Variants in KCTD21 observed in about 807,000 individuals in gnomAD.
KCTD21 encodes the protein potassium channel tetramerization domain containing 21.
A neutral mutation model predicts 13.2 loss-of-function variants in KCTD21; 9 were observed. The observed-to-expected ratio is 0.68, with a 90% CI of 0.41 to 1.19. The LOEUF (loss-of-function observed/expected upper bound fraction) is 1.19, where lower values mean the gene tolerates loss of function less well. Ranked by LOEUF, KCTD21 falls within the 50% of genes most tolerant of loss-of-function variation. KCTD21 has a pLI of 0.01. For missense variants in KCTD21, 303 were observed against 336.5 expected (o/e 0.90, Z 0.78); for synonymous variants, 142 against 137.4 (o/e 1.03, Z -0.23).
rs150386248 is a variant in KCTD21 at position 78,174,548 on chromosome 11, C to T, written c.7G>A (p.Asp3Asn). 41 of 1,609,528 alleles carry T rather than the reference C, an allele frequency of 2.5e-5. No individual in the cohort carries two copies. In the African/African-American group the frequency reaches 3.2e-4, roughly 13 times the overall value. The stretch of plus-strand genomic sequence containing the variant: ...CCCCCGACGTTCAGCGTGATGGGGT[C>T]GGACATGGCAGGAGACTGGGTTGCT... MS[D>N]PITLNVGGKL... Residue 3 changes from aspartate to asparagine, a missense_variant, in exon 2 of 2, where the codon GAC (aspartate) becomes AAC (asparagine). Physicochemically the swap from Asp to Asn is conservative, Grantham distance 23. Coordinates refer to ENST00000340067, the MANE Select transcript of KCTD21 (RefSeq NM_001029859.3).
chr11:78,188,347 T>C, intron 1 of KCTD21: 10 of 980,904 alleles, frequency 1.0e-5, no homozygotes, highest in Non-Finnish European at 1.2e-5. Context: ...CCATCCGCCC[T>C]TGCTCTCCCA....
intron 1 of KCTD21, chr11:78,175,277 T>G (rs934866991): frequency 2.8e-5 from 4 of 141,894 alleles, no homozygotes; most frequent in Non-Finnish European, 6.0e-5. Context: ...GAGCCGGGAC[T>G]GAACAACTGC....
Position 78,173,551 on chromosome 11 carries a change from C to G in KCTD21, c.*221G>C, listed in dbSNP as rs538527358. ...CTGACTCTTCACTTGTCATAATAAACCGCCTGTCTGCAGCTCAAAATGGCA... is the reference window on the plus strand; with the variant it reads ...CTGACTCTTCACTTGTCATAATAAAGCGCCTGTCTGCAGCTCAAAATGGCA... On this transcript the variant is annotated 3_prime_UTR_variant, in exon 2 of 2. Coordinates refer to ENST00000340067, the MANE Select transcript of KCTD21 (RefSeq NM_001029859.3). 2.2e-5 allele frequency: 12 copies of G among 539,356 alleles called. No homozygotes were observed. The Admixed American group carries it at 2.7e-4, about 12-fold the overall frequency. The allele number at this position is 539,356 out of a possible 1,614,324, so 33.4% of individuals were successfully genotyped here.
At chr11:78,188,301 TC>T (rs1225856588) in intron 1 of KCTD21, 1 of 977,636 alleles carries the variant, frequency 1.0e-6, no homozygotes, top group Non-Finnish European at 1.2e-6. Flanking sequence ...CCTCCCACAG[TC>T]CCGACCCTCA....
At chr11:78,185,337 A>G (rs967776855) in intron 1 of KCTD21, among the ~76,000 whole-genome samples, 8 of 152,194 alleles carry the variant, frequency 5.3e-5, no homozygotes, top group African/African-American at 1.7e-4. Context: ...AGAGGGGGGA[A>G]GAACACTTCT....
chr11:78,177,257 A>G (rs1306410151), intron 1 of KCTD21, among the ~76,000 whole-genome samples: 1 of 152,340 alleles, frequency 6.6e-6, no homozygotes, highest in Admixed American at 6.5e-5. Flanking sequence ...ATGTCCCCTC[A>G]TGATTCCTCC....
chr11:78,176,909 A>G (rs113333335), intron 1 of KCTD21: 2,496 of 152,496 alleles, frequency 0.016, 46 homozygotes, highest in African/African-American at 0.057. Context: ...ACTACTTGGG[A>G]GGCTGAGGTG....
At chr11:78,174,725 C>T (rs961829093) in intron 1 of KCTD21, 142 bp from the exon 2 acceptor site, 2 of 624,020 alleles carry the variant, frequency 3.2e-6, no homozygotes, top group Non-Finnish European at 2.8e-6. Flanking sequence ...TAATTGCTAA[C>T]ACTGTGCAAA....
At chr11:78,175,700 G>A (rs1312056659) in intron 1 of KCTD21, among the ~76,000 whole-genome samples, 1 of 151,964 alleles carries the variant, frequency 6.6e-6, no homozygotes, top group African/African-American at 2.4e-5. Flanking sequence ...TCAGCTGTCC[G>A]GACTGCAAAT....
chr11:78,183,227 AAAC>A (rs1479166489), intron 1 of KCTD21, among the ~76,000 whole-genome samples: 1 of 152,190 alleles, frequency 6.6e-6, no homozygotes, highest in Admixed American at 6.5e-5. Flanking sequence ...GTGAATTAAA[AAAC>A]AACAACAACA....
At chr11:78,178,251 G>C (rs760580579) in intron 1 of KCTD21, among the ~76,000 whole-genome samples, 3 of 151,598 alleles carry the variant, frequency 2.0e-5, no homozygotes, top group Non-Finnish European at 2.9e-5. Context: ...TCAGCCTCCC[G>C]GGTAGCTGCA....
At chr11:78,177,196 G>A (rs1015585785) in intron 1 of KCTD21, among the ~76,000 whole-genome samples, 4 of 152,234 alleles carry the variant, frequency 2.6e-5, no homozygotes, top group African/African-American at 9.6e-5. Context: ...GGCCATGCCA[G>A]TGTGAGAGAT....
At chr11:78,188,102 G>A in intron 1 of KCTD21, 2 of 985,396 alleles carry the variant, frequency 2.0e-6, no homozygotes, top group African/African-American at 1.7e-5. Context: ...GGCCGGCCCA[G>A]GGCTCTCCAG....
intron 1 of KCTD21, among the ~76,000 whole-genome samples, chr11:78,178,696 A>G (rs540188657): frequency 3.9e-4 from 59 of 152,330 alleles, no homozygotes; most frequent in Admixed American, 3.5e-3. Context: ...TGCTAACTTC[A>G]TAAAAGAGAA....
chr11:78,176,323 A>G (rs939369878), intron 1 of KCTD21: 1 of 152,214 alleles, frequency 6.6e-6, no homozygotes, highest in Non-Finnish European at 1.5e-5. Flanking sequence ...AGCTTCTCTG[A>G]AACTGGCTGC....
In KCTD21 at chr11:78,174,591, G is replaced by A. The variant is rs1421342127; in HGVS notation, c.-29-8C>T. ...GGGTTGCTGGAAGTAGTCCTGGAGA[G>A]GGTGAGAAGTGAGAAATGACTATAA... On this transcript the variant is annotated splice_polypyrimidine_tract_variant and splice_region_variant and intron_variant, in intron 1 of 1. Coordinates refer to ENST00000340067, the MANE Select transcript of KCTD21 (RefSeq NM_001029859.3). 1.3e-6 allele frequency: 2 copies of A among 1,566,826 alleles called. No individual in the cohort carries two copies. The highest frequency in any genetic ancestry group is 1.7e-6 in the Non-Finnish European group (2 of 1,156,444).
intron 1 of KCTD21, among the ~76,000 whole-genome samples, chr11:78,186,508 G>T (rs1862778121): frequency 6.6e-6 from 1 of 151,196 alleles, no homozygotes; most frequent in Non-Finnish European, 1.5e-5. Context: ...CTTACTAGCT[G>T]TGCAGCCCTG....
chr11:78,183,870 C>T (rs1015533736), intron 1 of KCTD21, among the ~76,000 whole-genome samples: 4 of 151,964 alleles, frequency 2.6e-5, no homozygotes, highest in Admixed American at 2.0e-4. Context: ...CTCCTGACCT[C>T]GTGATCCGCC....
At chr11:78,177,888 C>T (rs1862500033) in intron 1 of KCTD21, 1 of 152,262 alleles carries the variant, frequency 6.6e-6, no homozygotes, top group Non-Finnish European at 1.5e-5. Context: ...CCTGGGACCC[C>T]TGGGTAGGTG....
Sources: allele counts gnomAD v4.1 joint callset (sites outside exome capture counted in the v4.1 genomes callset), GRCh38; gene constraint gnomAD v4.1.1; transcripts MANE v1.5; gene names NCBI Gene and HGNC (gene_info 2026-07-23, HGNC 2026-07-21).